Variants in ANKFY1 observed in about 807,000 individuals in gnomAD.
ANKFY1 encodes ankyrin repeat and FYVE domain-containing protein 1.
ANKFY1 carries 47 observed loss-of-function variants against 128.3 expected under a neutral mutation model. The observed-to-expected ratio is 0.37, with a 90% CI of 0.29 to 0.47. The LOEUF is 0.47. Ranked by LOEUF, ANKFY1 falls within the 20% of genes least tolerant of loss-of-function variation. The probability of loss-of-function intolerance (pLI) is 1.00; values close to 1 mark genes in which losing one functional copy is unlikely to be tolerated. For missense variants in ANKFY1, 1,222 were observed against 1,510.6 expected, an observed-to-expected ratio of 0.81 and a Z score of 3.17; for synonymous variants, 553 against 601.6, an observed-to-expected ratio of 0.92 and a Z score of 1.18.
At chr17:4,257,199 C>A (rs149525019) in intron 1 of ANKFY1, among the ~76,000 whole-genome samples, 6 of 152,134 alleles carry the variant, frequency 3.9e-5, no homozygotes, top group African/African-American at 1.4e-4. Flanking sequence ...GTCTTTCATA[C>A]GTTCTGTGGT....
intron 20 of ANKFY1, 98 bp from the exon 21 acceptor site, chr17:4,173,542 G>A (rs371114193): frequency 2.8e-5 from 32 of 1,151,280 alleles, no homozygotes; most frequent in African/African-American, 2.8e-4. Context: ...AATGGGACCC[G>A]GCCACAGCAG....
chr17:4,179,203 CAAAGAG>C, intron 17 of ANKFY1, 146 bp from the exon 18 acceptor site: 1 of 857,732 alleles, frequency 1.2e-6, no homozygotes, highest in Admixed American at 2.3e-5. Context: ...TTGAAGAGGC[CAAAGAG>C]AAATGACTAA....
Position 4,169,932 on chromosome 17 carries a change from C to T in ANKFY1, c.3287-644G>A, listed in dbSNP as rs887467253. On this transcript the variant is annotated intron_variant, in intron 23 of 24. Coordinates refer to ENST00000341657, the MANE Select transcript of ANKFY1 (RefSeq NM_001330063.2). The surrounding 1 kb of genome is among the most constrained non-coding windows in gnomAD (Gnocchi z 5.0). ...GCTCTACATAGACAGGTCCACTGAG[C>T]TCATGGGGACGGAGCAGCACGTGAG... 2.6e-5 allele frequency among the ~76,000 whole-genome samples: 4 copies of T among 152,216 alleles called. No homozygotes were observed. The highest frequency in any genetic ancestry group is 7.2e-5 in the African/African-American group (3 of 41,442).
intron 1 of ANKFY1, among the ~76,000 whole-genome samples, chr17:4,244,352 G>C (rs1424460869): frequency 6.6e-6 from 1 of 152,208 alleles, no homozygotes; most frequent in African/African-American, 2.4e-5. Flanking sequence ...TATAAAGCAA[G>C]TTAATGGAAA....
intron 3 of ANKFY1, among the ~76,000 whole-genome samples, chr17:4,225,857 G>A (rs2060416790): frequency 6.6e-6 from 1 of 152,120 alleles, no homozygotes; most frequent in Non-Finnish European, 1.5e-5. Context: ...TGCCTTGCAG[G>A]CTAAGTGATC....
intron 3 of ANKFY1, among the ~76,000 whole-genome samples, chr17:4,224,124 GAC>G (rs2143130558): frequency 6.6e-6 from 1 of 150,890 alleles, no homozygotes; most frequent in African/African-American, 2.4e-5. Flanking sequence ...AAATTGTTCA[GAC>G]ACAGATATTT....
At position 4,249,182 on chromosome 17, in the gene ANKFY1, G is replaced by A. The variant is rs111514489; in HGVS notation, c.11-6734C>T. 1.9e-3 allele frequency: 1,727 copies of A among 925,294 alleles called. 24 individuals carry two copies. In the African/African-American group the frequency reaches 0.029, roughly 15 times the overall value. 57.3% of individuals were successfully genotyped at this position (925,294 alleles called of 1,614,324 possible). A position where few individuals can be genotyped will look rare whatever the true frequency, so the allele number is the denominator to read the frequency against. On this transcript the variant is annotated intron_variant, in intron 1 of 24. Transcript: ENST00000341657. ...TAGGTCAGGAGTTGGCATACTTTCC[G>A]TACAGGGCCACATAGCAAATATTTT... is the stretch of plus-strand genomic sequence containing the variant.
rs1275496416 is a variant in ANKFY1, at chr17:4,165,810, A to G, written c.*1969T>C. On this transcript the variant is annotated 3_prime_UTR_variant, in exon 25 of 25. Coordinates refer to ENST00000341657, the MANE Select transcript of ANKFY1 (RefSeq NM_001330063.2). ...GGCAGAACAATCGGCCTCACCCTTG[A>G]CTCATCTCCCACATTCCTTTTAAAG... is the stretch of plus-strand genomic sequence containing the variant. 1 of 152,132 alleles carries G rather than the reference A, an allele frequency of 6.6e-6. No homozygotes were observed. Among genetic ancestry groups the G allele is most frequent in the Non-Finnish European group, 1.5e-5 (1 of 68,034 alleles). 9.4% of individuals were successfully genotyped at this position (152,132 alleles called of 1,614,324 possible). A position where few individuals can be genotyped will look rare whatever the true frequency, so the allele number is the denominator to read the frequency against.
In ANKFY1 at chr17:4,179,030, C is replaced by T. The variant is rs377550044; in HGVS notation, c.2425G>A (p.Val809Met). 3.2e-5 allele frequency: 52 copies of T among 1,613,972 alleles called. No homozygotes were observed. Among genetic ancestry groups the T allele is most frequent in the African/African-American group, 2.7e-4 (20 of 74,884 alleles). ...QDAEGRTPIH[V>M]AISSQHGVII... ...ACACCGTGTTGGCTGCTGATGGCCA[C>T]GTGGATGGGGGTTCTTCCTTCTGCA... Residue 809 changes from valine to methionine, a missense_variant, in exon 18 of 25, where the codon GTG (valine) becomes ATG (methionine). Val to Met is a conservative substitution (Grantham distance 21). Coordinates refer to ENST00000341657, the MANE Select transcript of ANKFY1 (RefSeq NM_001330063.2).
At chr17:4,174,184 A>T (rs2059373525) in intron 19 of ANKFY1, 128 bp from the exon 20 acceptor site, 2 of 1,120,220 alleles carry the variant, frequency 1.8e-6, no homozygotes, top group Non-Finnish European at 2.5e-6. Flanking sequence ...CAGAGCTGGG[A>T]GCATAGGAGC....
rs1898410277 is a variant in ANKFY1, at chr17:4,181,117, G to C, written c.2240+137C>G. ...GGCTGACTTGACATGACAGAACAGT[G>C]ACTCTCTGATAACCTTAACTGTGAA... On this transcript the variant is annotated intron_variant, in intron 16 of 24. Coordinates refer to ENST00000341657, the MANE Select transcript of ANKFY1 (RefSeq NM_001330063.2). This position sits in a 1 kb window ranked among gnomAD's most constrained non-coding sequence, Gnocchi z 4.9. 4.4e-6 allele frequency: 3 copies of C among 682,222 alleles called. No individual in the cohort carries two copies. Among genetic ancestry groups the C allele is most frequent in the Admixed American group, 5.1e-5 (2 of 38,898 alleles). The allele number at this position is 682,222 out of a possible 1,614,324, so 42.3% of individuals were successfully genotyped here. A position where few individuals can be genotyped will look rare whatever the true frequency, so the allele number is the denominator to read the frequency against.
chr17:4,194,899 T>C (rs1033138373), intron 10 of ANKFY1, 79 bp downstream of exon 10: 10 of 1,370,366 alleles, frequency 7.3e-6, no homozygotes, highest in African/African-American at 2.9e-5. Context: ...GTTTCTAAAT[T>C]TGGGGTGAAG....
intron 3 of ANKFY1, among the ~76,000 whole-genome samples, chr17:4,220,670 C>A (rs1442539572): frequency 6.6e-6 from 1 of 152,214 alleles, no homozygotes; most frequent in African/African-American, 2.4e-5. Context: ...GACTCTTCCC[C>A]TCATCTACAA....
chr17:4,192,199 C>T (rs1460455759), intron 10 of ANKFY1, among the ~76,000 whole-genome samples: 8 of 146,924 alleles, frequency 5.4e-5, no homozygotes, highest in East Asian at 4.2e-4. Context: ...CTGGAGACTC[C>T]TAGTTGATGG....
chr17:4,200,603 G>C (rs1355379987), intron 7 of ANKFY1, among the ~76,000 whole-genome samples: 1 of 152,200 alleles, frequency 6.6e-6, no homozygotes, highest in East Asian at 1.9e-4. Context: ...ACGTCCTAGA[G>C]TTTGATTTGC....
At chr17:4,217,847 G>A (rs2060246855) in intron 3 of ANKFY1, among the ~76,000 whole-genome samples, 1 of 152,010 alleles carries the variant, frequency 6.6e-6, no homozygotes, top group African/African-American at 2.4e-5. Context: ...TAGCATACCA[G>A]GTTAATTTTT....
At position 4,169,412 on chromosome 17, in the gene ANKFY1, C is replaced by T. The variant is rs551330297; in HGVS notation, c.3287-124G>A. The T allele has an allele frequency of 3.0e-4, 212 of 696,362 alleles. 1 individual carries two copies. The highest frequency in any genetic ancestry group is 4.5e-4 in the Non-Finnish European group (180 of 396,674). The allele number at this position is 696,362 out of a possible 1,614,324, so 43.1% of individuals were successfully genotyped here. A position where few individuals can be genotyped will look rare whatever the true frequency, so the allele number is the denominator to read the frequency against. On this transcript the variant is annotated intron_variant, in intron 23 of 24. Coordinates refer to ENST00000341657, the MANE Select transcript of ANKFY1 (RefSeq NM_001330063.2). The surrounding 1 kb of genome is among the most constrained non-coding windows in gnomAD (Gnocchi z 5.0). Reference sequence around the variant, plus strand: ...CAGCGCTGCCACATGACATAGGTGACGAAGGAGCGATAGGTTCTAAGTGGT... The same window carrying T: ...CAGCGCTGCCACATGACATAGGTGATGAAGGAGCGATAGGTTCTAAGTGGT...
chr17:4,213,091 A>G (rs535526611), intron 4 of ANKFY1, among the ~76,000 whole-genome samples: 8 of 152,098 alleles, frequency 5.3e-5, no homozygotes, highest in Non-Finnish European at 1.2e-4. Flanking sequence ...CACACTTTCA[A>G]AACATCACGA....
chr17:4,215,394 C>A (rs2060204607), intron 4 of ANKFY1, among the ~76,000 whole-genome samples: 1 of 151,876 alleles, frequency 6.6e-6, no homozygotes, highest in African/African-American at 2.4e-5. Flanking sequence ...TCCTTTTCAT[C>A]AAATCAGTGC....
Sources: allele counts gnomAD v4.1 joint callset (sites outside exome capture counted in the v4.1 genomes callset), GRCh38; gene constraint gnomAD v4.1.1; non-coding constraint Gnocchi (gnomAD v3.1); transcripts MANE v1.5; gene names NCBI Gene and HGNC (gene_info 2026-07-23, HGNC 2026-07-21).